Variants in CNTN1 observed in about 807,000 individuals in gnomAD.
CNTN1 encodes contactin 1, also known as contactin-1.
Under a neutral mutation model 126.4 loss-of-function variants are expected in CNTN1, and 38 were observed. The ratio of observed to expected loss-of-function variants is 0.30; its 90% CI spans 0.23 to 0.39. The LOEUF is 0.39. CNTN1 is among the 10% of genes least tolerant of loss of function. The probability of loss-of-function intolerance (pLI) is 1.00; values close to 1 mark genes in which losing one functional copy is unlikely to be tolerated. For missense variants in CNTN1, 1,009 were observed against 1,248.4 expected (o/e 0.81, Z 2.89); for synonymous variants, 413 against 422.6 (o/e 0.98, Z 0.28).
chr12:41,045,637 T>C (rs1236469338), intron 23 of CNTN1, among the ~76,000 whole-genome samples: 3 of 152,096 alleles, frequency 2.0e-5, no homozygotes, highest in African/African-American at 4.8e-5. Context: ...TAGTGATTTA[T>C]GAAGGAGCAT....
At chr12:40,974,185 T>C (rs1425127588) in intron 15 of CNTN1, among the ~76,000 whole-genome samples, 2 of 152,156 alleles carry the variant, frequency 1.3e-5, no homozygotes, top group African/African-American at 2.4e-5. Context: ...CTAAAAACAT[T>C]AGTAAAATCC....
intron 17 of CNTN1, among the ~76,000 whole-genome samples, chr12:41,006,180 G>T (rs995871373): frequency 3.9e-5 from 6 of 152,132 alleles, no homozygotes; most frequent in African/African-American, 1.2e-4. Context: ...ATTTTATGGG[G>T]CCAACATTCA....
At chr12:41,036,516 A>G (rs2120911845) in intron 23 of CNTN1, among the ~76,000 whole-genome samples, 1 of 152,326 alleles carries the variant, frequency 6.6e-6, no homozygotes, top group South Asian at 2.1e-4. Context: ...TTCATGGTAT[A>G]TAAATTGATA....
At chr12:40,719,035 G>A (rs1276358820) in intron 1 of CNTN1, among the ~76,000 whole-genome samples, 1 of 151,964 alleles carries the variant, frequency 6.6e-6, no homozygotes, top group Non-Finnish European at 1.5e-5. Flanking sequence ...TTTGAGATCA[G>A]CATTATTTGG....
At chr12:40,855,290 A>G (rs1477814514) in intron 1 of CNTN1, among the ~76,000 whole-genome samples, 1 of 152,136 alleles carries the variant, frequency 6.6e-6, no homozygotes, top group Non-Finnish European at 1.5e-5. Context: ...TGTAATTTTC[A>G]GCATATTGTA....
chr12:40,758,115 G>T (rs1297596667), intron 1 of CNTN1, among the ~76,000 whole-genome samples: 1 of 150,220 alleles, frequency 6.7e-6, no homozygotes, highest in African/African-American at 2.5e-5. Context: ...CCACATTGTA[G>T]ATAGTTATTA....
chr12:40,902,067 G>T (rs529390744), intron 1 of CNTN1, among the ~76,000 whole-genome samples: 1 of 152,116 alleles, frequency 6.6e-6, no homozygotes, highest in African/African-American at 2.4e-5. Context: ...GTATTTCATT[G>T]TATAGTATCC....
chr12:40,945,115 C>T (rs1946388535), intron 14 of CNTN1, among the ~76,000 whole-genome samples: 1 of 152,048 alleles, frequency 6.6e-6, no homozygotes, highest in Admixed American at 6.6e-5. Flanking sequence ...CTAGCTACAA[C>T]TGTACACCTC....
At chr12:41,056,977 TTAGA>T (rs1458556709) in intron 23 of CNTN1, among the ~76,000 whole-genome samples, 1 of 106,956 alleles carries the variant, frequency 9.3e-6, no homozygotes, top group Non-Finnish European at 1.8e-5. Context: ...TTATAAATAT[TTAGA>T]TATTTATAAA....
At chr12:40,945,926 C>A (rs138303279) in intron 14 of CNTN1, among the ~76,000 whole-genome samples, 1 of 152,076 alleles carries the variant, frequency 6.6e-6, no homozygotes, top group Admixed American at 6.6e-5. Context: ...CCTCAGGTTT[C>A]AGTTCATTCC....
chr12:40,821,994 C>G (rs1440215421), intron 1 of CNTN1, among the ~76,000 whole-genome samples: 2 of 151,816 alleles, frequency 1.3e-5, no homozygotes, highest in Non-Finnish European at 2.9e-5. Flanking sequence ...CCACTACCAG[C>G]TTAATAAATA....
At chr12:41,018,909 C>A (rs1247982285) in intron 19 of CNTN1, among the ~76,000 whole-genome samples, 2 of 152,192 alleles carry the variant, frequency 1.3e-5, no homozygotes, top group East Asian at 3.9e-4. Flanking sequence ...ATAATCCCAG[C>A]ACTTTGGGAG....
rs536533719 is a variant in CNTN1, at chr12:40,762,744, T to G, written c.-77+70152T>G. ...CAGGTACCACAGATAAAATGATGAG[T>G]AAAATTATACATGGCCCCTTTTCTT... On this transcript the variant is annotated intron_variant, in intron 1 of 23. Transcript: ENST00000551295. Among the ~76,000 whole-genome samples, 6 of 152,286 alleles carry G rather than the reference T, an allele frequency of 3.9e-5. No homozygotes were observed. The East Asian group carries it at 1.2e-3, about 29-fold the overall frequency.
At chr12:40,799,908 A>G (rs941204058) in intron 1 of CNTN1, among the ~76,000 whole-genome samples, 3 of 152,014 alleles carry the variant, frequency 2.0e-5, no homozygotes, top group Admixed American at 2.0e-4. Flanking sequence ...GAGCTTAGGT[A>G]ACTTGGCTAT....
At chr12:40,939,620 T>C in intron 12 of CNTN1, 135 bp downstream of exon 12, 1 of 897,652 alleles carries the variant, frequency 1.1e-6, no homozygotes, top group Non-Finnish European at 1.8e-6. Context: ...CCTGTAGTTC[T>C]AAGATGGACA....
chr12:40,877,988 CTTTTTTTTTTTTTTT>C (rs199626249), intron 1 of CNTN1, among the ~76,000 whole-genome samples: 21,593 of 109,608 alleles, frequency 0.2, 2,630 homozygotes, highest in African/African-American at 0.39. Context: ...CAGTTTTTTC[CTTTTTTTTTTTTTTT>C]TTTTTTTTTT....
At chr12:40,887,490 C>T (rs1278235450) in intron 1 of CNTN1, among the ~76,000 whole-genome samples, 9 of 152,108 alleles carry the variant, frequency 5.9e-5, no homozygotes, top group Non-Finnish European at 5.9e-5. Context: ...TTTAGAATGG[C>T]GATCATTAAA....
At position 41,020,436 on chromosome 12, in the gene CNTN1, A is replaced by G. The variant is rs1250775309; in HGVS notation, c.2519A>G (p.Tyr840Cys). 6.3e-7 allele frequency: 1 copy of G among 1,591,348 alleles called. No homozygotes were observed. The highest frequency in any genetic ancestry group is 8.6e-7 in the Non-Finnish European group (1 of 1,160,124). The change falls in exon 20 of 24, where the codon TAT (tyrosine) becomes TGT (cysteine). Residue 840 changes from tyrosine (Y) to cysteine (C), a missense_variant. Coordinates refer to ENST00000551295, the MANE Select transcript of CNTN1 (RefSeq NM_001843.4). ...EHVLEKIVES[Y>C]QIRYWAAHDK... ...GTTTTAGAAAAAATAGTGGAAAGCTATCAGGTACGTTAAATTTTTATCAAA... is the reference window on the plus strand; with the variant it reads ...GTTTTAGAAAAAATAGTGGAAAGCTGTCAGGTACGTTAAATTTTTATCAAA...
At position 40,694,788 on chromosome 12, in the gene CNTN1, G is replaced by A. The variant is rs1941406494; in HGVS notation, c.-77+2196G>A. Among the ~76,000 whole-genome samples, 3 of 152,132 alleles carry A rather than the reference G, an allele frequency of 2.0e-5. No individual in the cohort carries two copies. In the South Asian group the frequency reaches 6.2e-4, roughly 32 times the overall value. ...TTCCTGATGATCTGATTTGGAGCAAGATAATTAAACTCTGAGAATCTGTTT... is the reference window on the plus strand; with the variant it reads ...TTCCTGATGATCTGATTTGGAGCAAAATAATTAAACTCTGAGAATCTGTTT... On this transcript the variant is annotated intron_variant, in intron 1 of 23. Transcript: ENST00000551295.
Sources: allele counts gnomAD v4.1 joint callset (sites outside exome capture counted in the v4.1 genomes callset), GRCh38; gene constraint gnomAD v4.1.1; transcripts MANE v1.5; gene names NCBI Gene and HGNC (gene_info 2026-07-23, HGNC 2026-07-21).